The following CRYBB1 variants were observed in gnomAD, a reference collection of about 807,000 sequenced individuals.
The protein encoded by CRYBB1 is beta-crystallin B1.
A neutral mutation model predicts 29.5 loss-of-function variants in CRYBB1; 16 were observed. The ratio of observed to expected loss-of-function variants is 0.54; its 90% CI spans 0.37 to 0.82. The LOEUF is 0.82. CRYBB1 is among the 40% of genes least tolerant of loss of function. The pLI, the probability that CRYBB1 is intolerant of heterozygous loss-of-function variation, is 0.00. For synonymous variants in CRYBB1, 127 were observed against 136.7 expected, an observed-to-expected ratio of 0.93 and a Z score of 0.49; for missense variants, 300 against 350.5, an observed-to-expected ratio of 0.86 and a Z score of 1.15.
intron 1 of CRYBB1, among the ~76,000 whole-genome samples, chr22:26,617,317 A>G (rs1929389437): frequency 6.6e-6 from 1 of 152,184 alleles, no homozygotes; most frequent in South Asian, 2.1e-4. Context: ...CTTTGGAGAC[A>G]ATGTTAAGGG....
At chr22:26,604,642 G>A (rs1928919629) in intron 4 of CRYBB1, among the ~76,000 whole-genome samples, 1 of 152,194 alleles carries the variant, frequency 6.6e-6, no homozygotes, top group Admixed American at 6.5e-5. Context: ...GGCAGAGAAG[G>A]CATAGGCAAA....
At position 26,607,612 on chromosome 22, in the gene CRYBB1, A is replaced by T. The variant is rs543126747; in HGVS notation, c.432+277T>A. Among the ~76,000 whole-genome samples the T allele has an allele frequency of 1.4e-4, 21 of 150,466 alleles. No homozygotes were observed. In the East Asian group the frequency reaches 3.8e-3, roughly 27 times the overall value. ...GTAAGGTCTAAATGTGCAGCCAGGG[A>T]TATCAAGAGAATCAAGGAAGATGCT... is the stretch of plus-strand genomic sequence containing the variant. On this transcript the variant is annotated intron_variant, in intron 4 of 5. Coordinates refer to ENST00000647684, the MANE Select transcript of CRYBB1 (RefSeq NM_001887.4).
At chr22:26,612,034 G>A (rs751829506) in intron 3 of CRYBB1, 38 bp downstream of exon 3, 2 of 1,439,580 alleles carry the variant, frequency 1.4e-6, no homozygotes, top group Non-Finnish European at 9.8e-7. Context: ...TCATTTTACT[G>A]TGGCAGAGAG....
intron 4 of CRYBB1, 117 bp downstream of exon 4, chr22:26,607,772 A>G: frequency 1.4e-6 from 2 of 1,407,896 alleles, no homozygotes; most frequent in Non-Finnish European, 2.0e-6. Context: ...GACAACTCGG[A>G]GGCTGCCACG....
At chr22:26,611,458 T>TTG (rs1423679062) in intron 3 of CRYBB1, among the ~76,000 whole-genome samples, 10 of 135,154 alleles carry the variant, frequency 7.4e-5, no homozygotes, top group East Asian at 7.3e-4. Flanking sequence ...GAGTTTGTTT[T>TTG]TTTTTTTTTT....
chr22:26,610,049 A>G (rs1929107763), intron 3 of CRYBB1, among the ~76,000 whole-genome samples: 1 of 176 alleles, frequency 5.7e-3, no homozygotes, highest in African/African-American at 0.022. Context: ...TCTTGCCACC[A>G]TGCCCAAGTC....
Position 26,608,021 on chromosome 22 carries a change from G to A in CRYBB1, c.300C>T (p.Pro100=), listed in dbSNP as rs140515221. ...RVRSIIVSAG[P]WVAFEQSNFR... is the part of the protein sequence containing the mutation. The stretch of plus-strand genomic sequence containing the variant: ...AGTTGGACTGCTCAAAGGCGACCCA[G>A]CTGGATACAAGAAGGACCATGAGGC... Residue 100 remains proline, a splice_region_variant and synonymous_variant, in exon 4 of 6, where the codon CCC becomes CCT. Coordinates refer to ENST00000647684, the MANE Select transcript of CRYBB1 (RefSeq NM_001887.4). 1.2e-4 allele frequency: 200 copies of A among 1,614,160 alleles called. No individual in the cohort carries two copies. Among genetic ancestry groups the A allele is most frequent in the Middle Eastern group, 1.6e-4 (1 of 6,062 alleles).
chr22:26,608,369 G>C (rs1295684170), intron 3 of CRYBB1, among the ~76,000 whole-genome samples: 1 of 152,192 alleles, frequency 6.6e-6, no homozygotes, highest in African/African-American at 2.4e-5. Flanking sequence ...TCAGGACTTG[G>C]AGCCAAGGAA....
chr22:26,615,984 T>G (rs1929337499), intron 2 of CRYBB1, among the ~76,000 whole-genome samples, 156 bp downstream of exon 2: 1 of 144,986 alleles, frequency 6.9e-6, no homozygotes. Context: ...AAAGGGAGAG[T>G]AAATAGAAAG....
chr22:26,612,150 G>C lies in CRYBB1; in HGVS notation c.221C>G (p.Ala74Gly). 6.2e-7 allele frequency: 1 copy of C among 1,613,880 alleles called. No individual in the cohort carries two copies. The highest frequency in any genetic ancestry group is 8.5e-7 in the Non-Finnish European group (1 of 1,179,970). Residue 74 changes from alanine to glycine, a missense_variant, in exon 3 of 6, where the codon GCA (alanine) becomes GGA (glycine). By Grantham distance (60) the Ala-to-Gly change is moderately conservative. Coordinates refer to ENST00000647684, the MANE Select transcript of CRYBB1 (RefSeq NM_001887.4). ...ATTTGAGCACTCCCCCGAGAATTCT[G>C]CTCGACGGCCCTGGAAGTTTTCCAG... ...FELENFQGRRAEFSGECSNLA... is the reference protein window; with the variant it reads ...FELENFQGRRGEFSGECSNLA...
intron 5 of CRYBB1, among the ~76,000 whole-genome samples, chr22:26,600,554 C>T (rs550515480): frequency 6.6e-6 from 1 of 152,306 alleles, no homozygotes; most frequent in African/African-American, 2.4e-5. Flanking sequence ...GGTATCAGAA[C>T]CTCAATGTAC....
chr22:26,614,322 C>T (rs1198806558), intron 2 of CRYBB1, among the ~76,000 whole-genome samples: 1 of 152,234 alleles, frequency 6.6e-6, no homozygotes, highest in Admixed American at 6.5e-5. Context: ...ACGGAACCTA[C>T]TGACATGTGA....
intron 3 of CRYBB1, among the ~76,000 whole-genome samples, chr22:26,610,256 G>A (rs1163102648): frequency 1.3e-5 from 2 of 152,188 alleles, no homozygotes; most frequent in Non-Finnish European, 2.9e-5. Flanking sequence ...AAGGTCACAT[G>A]ATGGTGTTGG....
In CRYBB1 at chr22:26,603,295, C is replaced by T. The variant is rs191716714; in HGVS notation, c.433-1274G>A. On this transcript the variant is annotated intron_variant, in intron 4 of 5. Coordinates refer to ENST00000647684, the MANE Select transcript of CRYBB1 (RefSeq NM_001887.4). Reference sequence around the variant, plus strand: ...CTGTAATCCCAGCACTTTGGGAGGCCGAGACAGGTAGATCACCTGAGGTCA... The same window carrying T: ...CTGTAATCCCAGCACTTTGGGAGGCTGAGACAGGTAGATCACCTGAGGTCA... Among the ~76,000 whole-genome samples the T allele has an allele frequency of 1.4e-3, 206 of 151,988 alleles. 1 individual carries two copies. Among genetic ancestry groups the T allele is most frequent in the Non-Finnish European group, 2.2e-3 (148 of 67,976 alleles).
At chr22:26,605,031 GT>G (rs1928932672) in intron 4 of CRYBB1, among the ~76,000 whole-genome samples, 2 of 152,052 alleles carry the variant, frequency 1.3e-5, no homozygotes, top group South Asian at 4.2e-4. Flanking sequence ...GGTCCCACCA[GT>G]CCATCGTTGC....
At position 26,605,535 on chromosome 22, in the gene CRYBB1, G is replaced by A. The variant is rs568244095; in HGVS notation, c.432+2354C>T. 9.9e-5 allele frequency among the ~76,000 whole-genome samples: 15 copies of A among 152,092 alleles called. No homozygotes were observed. In the South Asian group the frequency reaches 1.7e-3, roughly 17 times the overall value. ...TAAAAAATACAAAAATTATCTGGGC[G>A]TGGCGGTGCACACCTATAATCCCAG... On this transcript the variant is annotated intron_variant, in intron 4 of 5. Transcript: ENST00000647684.
At chr22:26,603,142 A>C (rs893000128) in intron 4 of CRYBB1, among the ~76,000 whole-genome samples, 41 of 151,496 alleles carry the variant, frequency 2.7e-4, no homozygotes, top group Non-Finnish European at 5.2e-4. Flanking sequence ...AAAAAAAAAA[A>C]AACAAAAAAC....
At chr22:26,605,607 A>G (rs1424492563) in intron 4 of CRYBB1, among the ~76,000 whole-genome samples, 1 of 146,682 alleles carries the variant, frequency 6.8e-6, no homozygotes, top group Non-Finnish European at 1.5e-5. Context: ...CAGGGAGGTG[A>G]AGGTTGCAGT....
chr22:26,600,380 G>T (rs1602319763), intron 5 of CRYBB1, among the ~76,000 whole-genome samples: 1 of 151,932 alleles, frequency 6.6e-6, no homozygotes, highest in Non-Finnish European at 1.5e-5. Context: ...CCAGCCTGAG[G>T]GACAGAGCGA....
Sources: allele counts gnomAD v4.1 joint callset (sites outside exome capture counted in the v4.1 genomes callset), GRCh38; gene constraint gnomAD v4.1.1; transcripts MANE v1.5; gene names NCBI Gene and HGNC (gene_info 2026-07-23, HGNC 2026-07-21).